BBX: variants seen among roughly 807,000 people sequenced by gnomAD.
The protein encoded by BBX is BBX high mobility group box domain containing.
A neutral mutation model predicts 100.2 loss-of-function variants in BBX; 30 were observed. The ratio of observed to expected loss-of-function variants is 0.30; its 90% CI spans 0.22 to 0.41. BBX has a LOEUF of 0.41. Ranked by LOEUF, BBX falls within the 10% of genes least tolerant of loss-of-function variation. The probability of loss-of-function intolerance (pLI) is 1.00; values close to 1 mark genes in which losing one functional copy is unlikely to be tolerated. For missense variants in BBX, 1,023 were observed against 1,129.8 expected, an observed-to-expected ratio of 0.91 and a Z score of 1.35; for synonymous variants, 376 against 388.1, an observed-to-expected ratio of 0.97 and a Z score of 0.37.
chr3:107,781,271 C>G (rs148149475), intron 13 of BBX, among the ~76,000 whole-genome samples: 1 of 152,084 alleles, frequency 6.6e-6, no homozygotes, highest in East Asian at 1.9e-4. Context: ...TATCTCTGCC[C>G]TTCCTCTTAT....
intron 5 of BBX, among the ~76,000 whole-genome samples, chr3:107,721,501 C>A (rs2062528033): frequency 6.6e-6 from 1 of 151,892 alleles, no homozygotes; most frequent in Non-Finnish European, 1.5e-5. Context: ...ATTAGGGGCC[C>A]CACCACATTT....
At chr3:107,698,420 A>T (rs2060811070) in intron 3 of BBX, among the ~76,000 whole-genome samples, 1 of 151,714 alleles carries the variant, frequency 6.6e-6, no homozygotes, top group South Asian at 2.1e-4. Context: ...TGGGAGGCTG[A>T]AGCGGGCGGC....
chr3:107,763,676 C>G (rs568367242), intron 10 of BBX, among the ~76,000 whole-genome samples: 1 of 152,192 alleles, frequency 6.6e-6, no homozygotes, highest in Admixed American at 6.5e-5. Context: ...GAATTGTTTT[C>G]TTTGTAATCA....
chr3:107,730,743 T>C (rs2063267071), intron 6 of BBX, among the ~76,000 whole-genome samples: 1 of 152,240 alleles, frequency 6.6e-6, no homozygotes, highest in Non-Finnish European at 1.5e-5. Flanking sequence ...TATCTCATTA[T>C]GTAATGGCTT....
At chr3:107,662,144 G>A (rs1390649459) in intron 3 of BBX, among the ~76,000 whole-genome samples, 2 of 152,170 alleles carry the variant, frequency 1.3e-5, no homozygotes, top group African/African-American at 2.4e-5. Context: ...TCATATAAAC[G>A]AATTGTGTTT....
rs113024781 is a variant in BBX at position 107,549,293 on chromosome 3, T to G, written c.-84+22895T>G. On this transcript the variant is annotated intron_variant, in intron 2 of 17. Transcript: ENST00000325805. The stretch of plus-strand genomic sequence containing the variant: ...CATTAAAAATACTGCCTTTATGAAG[T>G]ATACTTTCTAGTGGGGGAAAACAGA... Among the ~76,000 whole-genome samples the G allele has an allele frequency of 1.8e-4, 27 of 152,268 alleles. 2 individuals are homozygous for G. The highest frequency in any genetic ancestry group is 5.3e-4 in the African/African-American group (22 of 41,544).
chr3:107,741,382 T>C (rs935841109), intron 7 of BBX, among the ~76,000 whole-genome samples: 1 of 152,184 alleles, frequency 6.6e-6, no homozygotes, highest in Admixed American at 6.5e-5. Context: ...TCCATGGTTA[T>C]TGAGAATTAT....
chr3:107,659,498 C>T, intron 3 of BBX: 1 of 204,296 alleles, frequency 4.9e-6, no homozygotes, highest in Non-Finnish European at 1.0e-5. Flanking sequence ...CCTGTGTAAC[C>T]CAAATACCTA....
At chr3:107,635,433 T>C (rs1576103505) in intron 2 of BBX, among the ~76,000 whole-genome samples, 2 of 152,320 alleles carry the variant, frequency 1.3e-5, no homozygotes, top group South Asian at 4.1e-4. Context: ...TTCAAGATAT[T>C]GGAAATACCA....
At chr3:107,523,294 C>G (rs974832553) in intron 1 of BBX, among the ~76,000 whole-genome samples, 187 bp downstream of exon 1, 2 of 151,908 alleles carry the variant, frequency 1.3e-5, no homozygotes, top group African/African-American at 4.8e-5. Flanking sequence ...CCCGCGCGTC[C>G]GGAGCCGCCG....
At chr3:107,699,425 C>G (rs1026941446) in intron 3 of BBX, among the ~76,000 whole-genome samples, 2 of 151,846 alleles carry the variant, frequency 1.3e-5, no homozygotes, top group Non-Finnish European at 2.9e-5. Flanking sequence ...AAGAGTCTTA[C>G]ATGTTTATGT....
At chr3:107,545,429 A>G (rs2049161832) in intron 2 of BBX, among the ~76,000 whole-genome samples, 1 of 152,208 alleles carries the variant, frequency 6.6e-6, no homozygotes, top group South Asian at 2.1e-4. Flanking sequence ...GCTTTTATAA[A>G]TCTTAAGTGG....
At chr3:107,625,295 T>G (rs141199424) in intron 2 of BBX, among the ~76,000 whole-genome samples, 5 of 152,338 alleles carry the variant, frequency 3.3e-5, no homozygotes, top group East Asian at 1.9e-4. Flanking sequence ...TTATTTTTTT[T>G]GGGACAGAGT....
At chr3:107,750,157 G>A (rs1196359091) in intron 9 of BBX, among the ~76,000 whole-genome samples, 2 of 152,116 alleles carry the variant, frequency 1.3e-5, no homozygotes, top group Non-Finnish European at 2.9e-5. Context: ...TTTTCTTCTA[G>A]AGAAGAAAAG....
intron 8 of BBX, among the ~76,000 whole-genome samples, chr3:107,746,805 G>C (rs552668305): frequency 6.6e-6 from 1 of 152,112 alleles, no homozygotes; most frequent in East Asian, 1.9e-4. Flanking sequence ...ATAACTACGT[G>C]GCCCTGTTGT....
intron 3 of BBX, among the ~76,000 whole-genome samples, chr3:107,660,623 C>T (rs2058399686): frequency 6.7e-6 from 1 of 150,314 alleles, no homozygotes; most frequent in Middle Eastern, 3.5e-3. Flanking sequence ...AATTGCTGAA[C>T]ATGATGGAAA....
chr3:107,715,421 C>A (rs975141075), intron 4 of BBX, among the ~76,000 whole-genome samples: 2 of 152,168 alleles, frequency 1.3e-5, no homozygotes, highest in African/African-American at 4.8e-5. Context: ...AGTTGAGTAT[C>A]CCTAATCCAA....
intron 3 of BBX, among the ~76,000 whole-genome samples, chr3:107,654,848 T>A (rs757937616): frequency 1.4e-4 from 22 of 152,154 alleles, no homozygotes; most frequent in Non-Finnish European, 2.8e-4. Flanking sequence ...ATACCTGCCA[T>A]GTAAAGTTGT....
intron 10 of BBX, among the ~76,000 whole-genome samples, chr3:107,771,956 C>A (rs1349745829): frequency 6.6e-6 from 1 of 152,072 alleles, no homozygotes; most frequent in Non-Finnish European, 1.5e-5. Context: ...AATCCAAACT[C>A]CAAAATACTG....
Sources: gnomAD v4.1 joint callset for allele counts (sites outside exome capture counted in the v4.1 genomes callset) on GRCh38, gnomAD v4.1.1 for gene constraint, MANE v1.5 for transcripts, NCBI Gene and HGNC (gene_info 2026-07-23, HGNC 2026-07-21) for gene names.